The following MACF1 variants were observed in gnomAD, a reference collection of about 807,000 sequenced individuals.
The protein encoded by MACF1 is microtubule actin crosslinking factor 1.
A neutral mutation model predicts 854.8 loss-of-function variants in MACF1; 193 were observed. The observed-to-expected ratio is 0.23, with a 90% CI of 0.20 to 0.25. The LOEUF (loss-of-function observed/expected upper bound fraction) is 0.25. MACF1 is among the 10% of genes least tolerant of loss of function. MACF1 has a pLI of 1.00. For missense variants in MACF1, 7,722 were observed against 8,929.1 expected, an observed-to-expected ratio of 0.86 and a Z score of 5.45; for synonymous variants, 3,185 against 3,226.7, an observed-to-expected ratio of 0.99 and a Z score of 0.44.
intron 2 of MACF1, among the ~76,000 whole-genome samples, chr1:39,166,990 T>G (rs538498157): frequency 2.0e-5 from 3 of 152,068 alleles, no homozygotes; most frequent in African/African-American, 7.2e-5. Flanking sequence ...TGATGGAGTT[T>G]CGCTCTTGTC....
chr1:39,336,901 A>G (rs1445150203), intron 37 of MACF1, among the ~76,000 whole-genome samples: 1 of 152,248 alleles, frequency 6.6e-6, no homozygotes, highest in Non-Finnish European at 1.5e-5. Context: ...ACGAGCTAAT[A>G]GAAATACTAG....
rs567101753 is a variant in MACF1 at position 39,360,660 on chromosome 1, G to A, written c.12245-133G>A. On this transcript the variant is annotated intron_variant, in intron 47 of 100. Transcript: ENST00000564288. ...AAGACCAGCTTGGGCAACATATTAA[G>A]ACCACATCCATATAATAATAATAAT... 618 of 264,280 alleles carry A rather than the reference G, an allele frequency of 2.3e-3. 1 individual carries two copies. Among genetic ancestry groups the A allele is most frequent in the Non-Finnish European group, 3.3e-3 (527 of 158,828 alleles). 16.4% of individuals were successfully genotyped at this position (264,280 alleles called of 1,614,324 possible).
At position 39,333,790 on chromosome 1, in the gene MACF1, T is replaced by C. The variant is rs1646767366; in HGVS notation, c.7202T>C (p.Ile2401Thr). 6.2e-7 allele frequency: 1 copy of C among 1,614,022 alleles called. No homozygotes were observed. The highest frequency in any genetic ancestry group is 1.1e-5 in the South Asian group (1 of 91,084). ...GLLDKETATRILERQVVTGGI... is the reference protein window; with the variant it reads ...GLLDKETATRTLERQVVTGGI... ...CTTGACAAGGAAACAGCCACCAGAA[T>C]TTTAGAGAGGCAGGTGGTGACTGGT... Residue 2401 changes from isoleucine to threonine, a missense_variant, in exon 37 of 101, where the codon ATT becomes ACT. Physicochemically the swap from Ile to Thr is moderately conservative, Grantham distance 89. Coordinates refer to ENST00000564288, the MANE Select transcript of MACF1 (RefSeq NM_001394062.1).
chr1:39,171,787 G>A (rs1420509196), intron 2 of MACF1, among the ~76,000 whole-genome samples: 1 of 151,940 alleles, frequency 6.6e-6, no homozygotes, highest in Non-Finnish European at 1.5e-5. Flanking sequence ...CACCACGCCC[G>A]GCTAATTTTT....
chr1:39,450,959 G>A, intron 84 of MACF1, 93 bp from the exon 85 acceptor site: 1 of 1,389,642 alleles, frequency 7.2e-7, no homozygotes, highest in South Asian at 1.3e-5. Flanking sequence ...CTCTATATAG[G>A]GTTCAAGCAA....
chr1:39,431,894 C>T (rs948710875), intron 66 of MACF1, among the ~76,000 whole-genome samples: 4 of 152,136 alleles, frequency 2.6e-5, no homozygotes, highest in Non-Finnish European at 4.4e-5. Flanking sequence ...AAGGATCACT[C>T]GCGCCTAGGA....
At chr1:39,202,907 G>C (rs1644409721), upstream of MACF1, among the ~76,000 whole-genome samples, 1 of 152,142 alleles carries the variant, frequency 6.6e-6, no homozygotes, top group Non-Finnish European at 1.5e-5. Context: ...AATTGTAGAT[G>C]ATCCTATTGC....
intron 41 of MACF1, among the ~76,000 whole-genome samples, chr1:39,348,215 T>G (rs1217100827): frequency 6.6e-6 from 1 of 152,214 alleles, no homozygotes; most frequent in Non-Finnish European, 1.5e-5. Flanking sequence ...AGGTTACCTT[T>G]GAAAACTGAG....
chr1:39,477,084 T>TATATACATCCACACAC (rs1644912494), intron 97 of MACF1, among the ~76,000 whole-genome samples: 1 of 12,776 alleles, frequency 7.8e-5, no homozygotes, highest in African/African-American at 2.8e-4. Flanking sequence ...TATATATATA[T>TATATACATCCACACAC]ATATATACAC....
At chr1:39,243,312 C>T (rs1480607858) in intron 2 of MACF1, among the ~76,000 whole-genome samples, 1 of 152,174 alleles carries the variant, frequency 6.6e-6, no homozygotes, top group Non-Finnish European at 1.5e-5. Flanking sequence ...GTTTTTTACT[C>T]ATTTGTTGAC....
chr1:39,380,059 A>G lies in MACF1; in HGVS notation c.13519-185A>G, dbSNP rs540753375. 1.5e-4 allele frequency among the ~76,000 whole-genome samples: 23 copies of G among 152,338 alleles called. No homozygotes were observed. In the South Asian group the frequency reaches 4.6e-3, roughly 30 times the overall value. The stretch of plus-strand genomic sequence containing the variant: ...AAAAGAAACTCAGATCCTGCCATTT[A>G]GATTTTCATTTTAAAATAAAAATTG... On this transcript the variant is annotated intron_variant, in intron 54 of 100. Coordinates refer to ENST00000564288, the MANE Select transcript of MACF1 (RefSeq NM_001394062.1).
chr1:39,084,943 A>G lies in MACF1; in HGVS notation c.220+505A>G, dbSNP rs539854025. On this transcript the variant is annotated intron_variant, in intron 2 of 93. Coordinates refer to the MACF1 transcript ENST00000361689. The surrounding 1 kb of genome is among the most constrained non-coding windows in gnomAD (Gnocchi z 5.2). ...GACTTCTGTTATTTCCTTATAATGA[A>G]ATCCTTGGAGAGTACAGTTTTACTT... Among the ~76,000 whole-genome samples, 51 of 152,284 alleles carry G rather than the reference A, an allele frequency of 3.3e-4. No homozygotes were observed. Among genetic ancestry groups the G allele is most frequent in the African/African-American group, 1.2e-3 (50 of 41,568 alleles).
Position 39,105,585 on chromosome 1 carries a change from C to T in MACF1, c.220+21147C>T. 8.4e-7 allele frequency: 1 copy of T among 1,193,684 alleles called. No individual in the cohort carries two copies. The highest frequency in any genetic ancestry group is 1.4e-5 in the South Asian group (1 of 69,038). 73.9% of individuals were successfully genotyped at this position (1,193,684 alleles called of 1,614,324 possible). A position where few individuals can be genotyped will look rare whatever the true frequency, so the allele number is the denominator to read the frequency against. Reference sequence around the variant, plus strand: ...CCTCAGCGCGCGGGCCTGGAACCGGCAGCCCCCGGGGCTCGGCGAGAAGGC... The same window carrying T: ...CCTCAGCGCGCGGGCCTGGAACCGGTAGCCCCCGGGGCTCGGCGAGAAGGC... On this transcript the variant is annotated intron_variant, in intron 2 of 93. Transcript: ENST00000361689. The surrounding 1 kb of genome is among the most constrained non-coding windows in gnomAD (Gnocchi z 5.9).
chr1:39,347,058 G>T lies in MACF1; in HGVS notation c.10663G>T (p.Ala3555Ser). 6.2e-7 allele frequency: 1 copy of T among 1,614,120 alleles called. No individual in the cohort carries two copies. The highest frequency in any genetic ancestry group is 8.5e-7 in the Non-Finnish European group (1 of 1,179,970). Residue 3555 changes from alanine to serine, a missense_variant, in exon 41 of 101, where the codon GCC (alanine) becomes TCC (serine). By Grantham distance (99) the Ala-to-Ser change is moderately conservative (BLOSUM62 1). Coordinates refer to ENST00000564288, the MANE Select transcript of MACF1 (RefSeq NM_001394062.1). ...TATTCAGTTCTTTATCTCAGAACAT[G>T]CCCAGGACTTGTCCCCTCAGCAGAA... The part of the protein sequence containing the change: ...FDIQFFISEH[A>S]QDLSPQQNRQ...
At position 39,428,017 on chromosome 1, in the gene MACF1, T is replaced by C; in HGVS notation, c.16533T>C (p.Ile5511=). 1.2e-6 allele frequency: 2 copies of C among 1,614,216 alleles called. No homozygotes were observed. The highest frequency in any genetic ancestry group is 1.7e-6 in the Non-Finnish European group (2 of 1,180,032). ...HATDVHQAVK[I]GQSLSSLTSP... ...CAGATGTGCACCAGGCAGTCAAAAT[T>C]GGGCAGTCCCTCTCCTCCCTGACAT... Residue 5511 remains isoleucine, a synonymous_variant, in exon 63 of 101, where the codon ATT becomes ATC. Coordinates refer to ENST00000564288, the MANE Select transcript of MACF1 (RefSeq NM_001394062.1).
At chr1:39,134,292 C>A (rs1371249529) in intron 2 of MACF1, among the ~76,000 whole-genome samples, 1 of 151,780 alleles carries the variant, frequency 6.6e-6, no homozygotes, top group Non-Finnish European at 1.5e-5. Context: ...GTGATCCGCC[C>A]ACCTCGGCCT....
At chr1:39,341,309 T>A (rs573207718) in intron 40 of MACF1, among the ~76,000 whole-genome samples, 63 of 151,712 alleles carry the variant, frequency 4.2e-4, no homozygotes, top group South Asian at 1.0e-3. Context: ...GCTGGGATTA[T>A]AGGTGTGAGC....
chr1:39,162,455 T>C (rs979239639), intron 2 of MACF1, among the ~76,000 whole-genome samples: 2 of 152,236 alleles, frequency 1.3e-5, no homozygotes, highest in African/African-American at 4.8e-5. Context: ...AAATTTCTGC[T>C]CATCTTTCAA....
rs777574128 is a variant in MACF1 at position 39,448,171 on chromosome 1, C to T, written c.20088+19C>T. ...GCATAAGGTAAAGCAGTTAATTGCT[C>T]TTAGGTCCCAAGCCATAGTATTCGC... is the stretch of plus-strand genomic sequence containing the variant. On this transcript the variant is annotated intron_variant, in intron 83 of 100. Coordinates refer to ENST00000564288, the MANE Select transcript of MACF1 (RefSeq NM_001394062.1). The T allele has an allele frequency of 3.1e-6, 5 of 1,607,222 alleles. No individual in the cohort carries two copies. Among genetic ancestry groups the T allele is most frequent in the Middle Eastern group, 1.7e-4 (1 of 6,032 alleles).
Sources: allele counts gnomAD v4.1 joint callset (sites outside exome capture counted in the v4.1 genomes callset), GRCh38; gene constraint gnomAD v4.1.1; non-coding constraint Gnocchi (gnomAD v3.1); transcripts MANE v1.5; gene names NCBI Gene and HGNC (gene_info 2026-07-23, HGNC 2026-07-21).